Variants in HS3ST4 observed in about 807,000 individuals in gnomAD.
The protein encoded by HS3ST4 is heparan sulfate-glucosamine 3-sulfotransferase 4.
HS3ST4 carries 17 observed loss-of-function variants against 29.2 expected under a neutral mutation model. That is an observed-to-expected ratio of 0.58 (90% CI 0.40 to 0.87). The LOEUF is 0.87. HS3ST4 is among the 40% of genes least tolerant of loss of function. HS3ST4 has a pLI of 0.00. For synonymous variants in HS3ST4, 314 were observed against 285.7 expected (o/e 1.10, Z -1.00); for missense variants, 627 against 634.5 (o/e 0.99, Z 0.13).
chr16:26,047,739 G>A (rs1466405293), intron 1 of HS3ST4, among the ~76,000 whole-genome samples: 2 of 152,228 alleles, frequency 1.3e-5, no homozygotes, highest in East Asian at 1.9e-4. Context: ...CAATCTTAAC[G>A]AAGATGCATT....
At chr16:26,034,668 C>CT (rs1241025909) in intron 1 of HS3ST4, among the ~76,000 whole-genome samples, 32 of 94,508 alleles carry the variant, frequency 3.4e-4, no homozygotes, top group African/African-American at 9.0e-4. Context: ...ATAGCAGGGG[C>CT]GGGGGGGGGT....
intron 1 of HS3ST4, among the ~76,000 whole-genome samples, chr16:25,926,705 A>G (rs1968406533): frequency 6.6e-6 from 1 of 152,186 alleles, no homozygotes; most frequent in Admixed American, 6.5e-5. Flanking sequence ...GAAGAAAAGA[A>G]CTTTTAGATA....
At chr16:25,884,078 A>T (rs991247443) in intron 1 of HS3ST4, among the ~76,000 whole-genome samples, 1 of 152,060 alleles carries the variant, frequency 6.6e-6, no homozygotes, top group Admixed American at 6.6e-5. Flanking sequence ...ATGCCACTGC[A>T]CTTCAGCCTG....
chr16:25,712,845 A>G (rs1196501055), intron 1 of HS3ST4, among the ~76,000 whole-genome samples: 1 of 152,014 alleles, frequency 6.6e-6, no homozygotes, highest in East Asian at 1.9e-4. Context: ...ACAGAAATAT[A>G]TTTTCTCACA....
chr16:25,963,941 T>G (rs911585623), intron 1 of HS3ST4, among the ~76,000 whole-genome samples: 8 of 152,086 alleles, frequency 5.3e-5, no homozygotes, highest in Admixed American at 5.2e-4. Context: ...GAGGCCGAGG[T>G]GGGCAGATCA....
chr16:26,104,382 A>G (rs1409065569), intron 1 of HS3ST4, among the ~76,000 whole-genome samples: 2 of 152,192 alleles, frequency 1.3e-5, no homozygotes, highest in Non-Finnish European at 2.9e-5. Context: ...AAAGGATAAT[A>G]GGCCAGGGAG....
At chr16:25,875,820 A>G (rs1476893671) in intron 1 of HS3ST4, among the ~76,000 whole-genome samples, 1 of 152,044 alleles carries the variant, frequency 6.6e-6, no homozygotes, top group Non-Finnish European at 1.5e-5. Flanking sequence ...CCAGAAACCC[A>G]AGGACCATGG....
chr16:25,948,836 C>T (rs1273357151), intron 1 of HS3ST4, among the ~76,000 whole-genome samples: 5 of 152,112 alleles, frequency 3.3e-5, no homozygotes, highest in Non-Finnish European at 5.9e-5. Context: ...ACCTCCGTGG[C>T]ACTGTGCAGC....
At chr16:25,948,798 G>A (rs1249972191) in intron 1 of HS3ST4, among the ~76,000 whole-genome samples, 4 of 152,130 alleles carry the variant, frequency 2.6e-5, no homozygotes, top group South Asian at 2.1e-4. Context: ...ACCACTCTAC[G>A]GAGCACTTAC....
chr16:25,873,007 T>C (rs1365990264), intron 1 of HS3ST4, among the ~76,000 whole-genome samples: 1 of 152,212 alleles, frequency 6.6e-6, no homozygotes, highest in African/African-American at 2.4e-5. Flanking sequence ...TCTGCCCTGA[T>C]GTTCCTATTT....
At chr16:26,114,568 G>T (rs993849986) in intron 1 of HS3ST4, among the ~76,000 whole-genome samples, 1 of 152,160 alleles carries the variant, frequency 6.6e-6, no homozygotes, top group Non-Finnish European at 1.5e-5. Flanking sequence ...TGTGCCATAT[G>T]GTGTGACGGG....
chr16:25,954,120 C>T (rs1341682967), intron 1 of HS3ST4, among the ~76,000 whole-genome samples: 4 of 152,180 alleles, frequency 2.6e-5, no homozygotes, highest in Non-Finnish European at 5.9e-5. Context: ...GCATGCAGAG[C>T]AAAATGAAAG....
chr16:25,917,689 G>T (rs115164744), intron 1 of HS3ST4, among the ~76,000 whole-genome samples: 1 of 152,082 alleles, frequency 6.6e-6, no homozygotes, highest in South Asian at 2.1e-4. Flanking sequence ...CAGACAAGTC[G>T]CATGCCTCTC....
chr16:25,732,131 A>G (rs1223322088), intron 1 of HS3ST4, among the ~76,000 whole-genome samples: 1 of 152,192 alleles, frequency 6.6e-6, no homozygotes, highest in African/African-American at 2.4e-5. Context: ...CTGGCTTTCC[A>G]TAATTGAATT....
intron 1 of HS3ST4, among the ~76,000 whole-genome samples, chr16:25,854,251 A>G (rs1304684925): frequency 6.6e-6 from 1 of 152,018 alleles, no homozygotes; most frequent in Admixed American, 6.6e-5. Flanking sequence ...GCACTTACCA[A>G]CAAGCGTGGC....
intron 1 of HS3ST4, among the ~76,000 whole-genome samples, chr16:25,739,475 G>A (rs957426164): frequency 3.9e-5 from 6 of 152,156 alleles, no homozygotes; most frequent in Admixed American, 2.0e-4. Flanking sequence ...GCCTACTTTT[G>A]CTGTCTCCTT....
At chr16:26,112,206 A>T (rs1431383142) in intron 1 of HS3ST4, among the ~76,000 whole-genome samples, 5 of 150,558 alleles carry the variant, frequency 3.3e-5, no homozygotes, top group African/African-American at 1.2e-4. Context: ...TACCCTCTGA[A>T]TGGAATTTTG....
chr16:25,994,735 A>ATAAGTACT (rs1567289771), intron 1 of HS3ST4, among the ~76,000 whole-genome samples: 5 of 152,354 alleles, frequency 3.3e-5, no homozygotes, highest in Admixed American at 3.3e-4. Context: ...AAAAAAATAT[A>ATAAGTACT]TAAGTACTTT....
intron 1 of HS3ST4, among the ~76,000 whole-genome samples, chr16:25,819,449 T>TC (rs1967125557): frequency 6.6e-6 from 1 of 152,050 alleles, no homozygotes; most frequent in Non-Finnish European, 1.5e-5. Flanking sequence ...ATCACAGATT[T>TC]CCCCCTGGAA....
Sources: allele counts gnomAD v4.1 joint callset (sites outside exome capture counted in the v4.1 genomes callset), GRCh38; gene constraint gnomAD v4.1.1; transcripts MANE v1.5; gene names NCBI Gene and HGNC (gene_info 2026-07-23, HGNC 2026-07-21).